The following DIAPH3 variants were observed in gnomAD, a reference collection of about 807,000 sequenced individuals.
The protein encoded by DIAPH3 is diaphanous related formin 3.
A neutral mutation model predicts 144.3 loss-of-function variants in DIAPH3; 117 were observed. The observed-to-expected ratio is 0.81, with a 90% CI of 0.70 to 0.95. The LOEUF is 0.95. DIAPH3 is among the 40% of genes least tolerant of loss of function. The probability of loss-of-function intolerance (pLI) is 0.00; values close to 1 mark genes in which losing one functional copy is unlikely to be tolerated. For missense variants in DIAPH3, 1,421 were observed against 1,412.7 expected, an observed-to-expected ratio of 1.01 and a Z score of -0.09; for synonymous variants, 519 against 488.9, an observed-to-expected ratio of 1.06 and a Z score of -0.81.
chr13:59,688,350 T>C (rs916551396), intron 27 of DIAPH3, among the ~76,000 whole-genome samples: 8 of 151,994 alleles, frequency 5.3e-5, no homozygotes, highest in African/African-American at 1.9e-4. Context: ...ATATGACCTA[T>C]TGATGGTAAA....
intron 24 of DIAPH3, among the ~76,000 whole-genome samples, chr13:59,817,635 A>G (rs537524293): frequency 1.2e-3 from 177 of 151,978 alleles, no homozygotes; most frequent in African/African-American, 4.2e-3. Context: ...TAAAAAATTT[A>G]TTGTGATTTA....
In DIAPH3 at chr13:59,730,972, G is replaced by A. The variant is rs1345800944; in HGVS notation, c.3319+43217C>T. ...ACCCTGCTAATTTCTCTAACTGCTT[G>A]CCATTCCCCATTATTCCCTTCTTGT... is the stretch of plus-strand genomic sequence containing the variant. On this transcript the variant is annotated intron_variant, in intron 27 of 27. Coordinates refer to ENST00000400324, the MANE Select transcript of DIAPH3 (RefSeq NM_001042517.2). Among the ~76,000 whole-genome samples the A allele has an allele frequency of 2.6e-5, 4 of 152,168 alleles. No homozygotes were observed. The South Asian group carries it at 8.3e-4, about 32-fold the overall frequency.
intron 25 of DIAPH3, among the ~76,000 whole-genome samples, chr13:59,804,715 T>C (rs963631993): frequency 5.9e-5 from 9 of 152,162 alleles, no homozygotes; most frequent in African/African-American, 1.7e-4. Context: ...ACTAAAACTA[T>C]TGGCTTATTT....
intron 27 of DIAPH3, among the ~76,000 whole-genome samples, chr13:59,736,919 T>C (rs1461073469): frequency 6.6e-6 from 1 of 152,116 alleles, no homozygotes; most frequent in Non-Finnish European, 1.5e-5. Flanking sequence ...CCCTATTCAA[T>C]AAATGGTGAT....
rs182893062 is a variant in DIAPH3, at chr13:60,008,175, C to T, written c.1014+369G>A. On this transcript the variant is annotated intron_variant, in intron 9 of 27. Coordinates refer to ENST00000400324, the MANE Select transcript of DIAPH3 (RefSeq NM_001042517.2). ...TTGGGAGGCCGACGCGGGTAGATCA[C>T]GAGATCAGGAGATCGAGACCATCCT... Among the ~76,000 whole-genome samples, 498 of 152,134 alleles carry T rather than the reference C, an allele frequency of 3.3e-3. 2 individuals carry two copies. Among genetic ancestry groups the T allele is most frequent in the African/African-American group, 0.011 (460 of 41,502 alleles).
intron 3 of DIAPH3, among the ~76,000 whole-genome samples, chr13:60,094,775 G>A (rs1289043371): frequency 6.6e-6 from 1 of 152,066 alleles, no homozygotes; most frequent in Non-Finnish European, 1.5e-5. Flanking sequence ...AACCCTTCGA[G>A]CACTTAAAAG....
intron 21 of DIAPH3, among the ~76,000 whole-genome samples, chr13:59,862,190 A>T (rs2043634415): frequency 6.6e-6 from 1 of 152,222 alleles, no homozygotes; most frequent in Non-Finnish European, 1.5e-5. Flanking sequence ...GAGGCAGCTG[A>T]GTGACTCCAG....
At chr13:60,033,979 A>G (rs2055000239) in intron 5 of DIAPH3, among the ~76,000 whole-genome samples, 1 of 152,208 alleles carries the variant, frequency 6.6e-6, no homozygotes, top group South Asian at 2.1e-4. Flanking sequence ...ATAGATATGT[A>G]AGGGAATACC....
chr13:59,907,602 C>A (rs1207980171), intron 20 of DIAPH3, among the ~76,000 whole-genome samples: 1 of 152,156 alleles, frequency 6.6e-6, no homozygotes. Context: ...CAACTTACGA[C>A]CACATGTTAC....
chr13:59,981,694 CAGA>C (rs2051033022), intron 13 of DIAPH3, among the ~76,000 whole-genome samples: 1 of 151,142 alleles, frequency 6.6e-6, no homozygotes. Context: ...AAATATATTA[CAGA>C]AGAATTTATA....
At chr13:59,886,493 A>T (rs574019406) in intron 20 of DIAPH3, among the ~76,000 whole-genome samples, 4 of 152,094 alleles carry the variant, frequency 2.6e-5, no homozygotes, top group Non-Finnish European at 5.9e-5. Context: ...GTCAATTTCT[A>T]TAATAAAACC....
chr13:59,973,405 C>A (rs1235015385), intron 15 of DIAPH3, among the ~76,000 whole-genome samples: 1 of 151,032 alleles, frequency 6.6e-6, no homozygotes, highest in East Asian at 1.9e-4. Flanking sequence ...ATATGAGAGA[C>A]AAGGAACCAT....
intron 27 of DIAPH3, among the ~76,000 whole-genome samples, chr13:59,749,173 C>T (rs2036858233): frequency 7.6e-6 from 1 of 131,340 alleles, no homozygotes; most frequent in Non-Finnish European, 1.6e-5. Flanking sequence ...GAGATAGTGC[C>T]ACTGCACTCC....
chr13:60,042,471 G>C (rs1184383402), intron 5 of DIAPH3, among the ~76,000 whole-genome samples: 1 of 151,764 alleles, frequency 6.6e-6, no homozygotes, highest in Non-Finnish European at 1.5e-5. Context: ...AATTCTATGT[G>C]GGCAAAAGGC....
chr13:59,792,351 G>A (rs1029286643), intron 25 of DIAPH3, among the ~76,000 whole-genome samples: 2 of 152,154 alleles, frequency 1.3e-5, no homozygotes, highest in Non-Finnish European at 2.9e-5. Context: ...CTGGGTCACT[G>A]TCATCTAATC....
intron 22 of DIAPH3, 152 bp downstream of exon 22, chr13:59,861,255 A>G: frequency 2.6e-6 from 4 of 1,528,364 alleles, no homozygotes; most frequent in Non-Finnish European, 3.5e-6. Context: ...GACAACTCAT[A>G]ATATCCTACA....
intron 27 of DIAPH3, among the ~76,000 whole-genome samples, chr13:59,757,651 C>T (rs889649563): frequency 5.0e-4 from 76 of 152,152 alleles, no homozygotes; most frequent in African/African-American, 9.2e-4. Context: ...CCGCCCACCT[C>T]GGCCTCCCAA....
intron 17 of DIAPH3, among the ~76,000 whole-genome samples, chr13:59,956,223 G>A (rs1476873577): frequency 6.6e-6 from 1 of 152,186 alleles, no homozygotes; most frequent in Non-Finnish European, 1.5e-5. Context: ...AAGCCAATGG[G>A]GAAAATGTCT....
At chr13:59,769,102 C>G (rs2037994563) in intron 27 of DIAPH3, among the ~76,000 whole-genome samples, 1 of 152,120 alleles carries the variant, frequency 6.6e-6, no homozygotes, top group South Asian at 2.1e-4. Context: ...AAACTGCAGG[C>G]AGATGCAGCA....
Sources: allele counts gnomAD v4.1 joint callset (sites outside exome capture counted in the v4.1 genomes callset), GRCh38; gene constraint gnomAD v4.1.1; transcripts MANE v1.5; gene names NCBI Gene and HGNC (gene_info 2026-07-23, HGNC 2026-07-21).